HACE1: variants seen among roughly 807,000 people sequenced by gnomAD.
HACE1 encodes E3 ubiquitin-protein ligase HACE1.
In HACE1, 73 loss-of-function variants were observed where a neutral mutation model predicts 118.4. The ratio of observed to expected loss-of-function variants is 0.62; its 90% CI spans 0.51 to 0.75. The LOEUF (loss-of-function observed/expected upper bound fraction) is 0.75, where lower values mean the gene tolerates loss of function less well. Among genes scored for constraint, HACE1 ranks in the 30% least tolerant of loss-of-function variants. The pLI is 0.00. For synonymous variants in HACE1, 368 were observed against 374.8 expected (o/e 0.98, Z 0.21); for missense variants, 749 against 1,102.2 (o/e 0.68, Z 4.54).
chr6:104,730,709 A>G, intron 22 of HACE1: 1 of 361,844 alleles, frequency 2.8e-6, no homozygotes, highest in South Asian at 2.5e-5. Flanking sequence ...ATTTGCTTTC[A>G]TGTGGCTCTC....
chr6:104,753,442 A>G (rs1670292488), intron 19 of HACE1, among the ~76,000 whole-genome samples: 1 of 152,216 alleles, frequency 6.6e-6, no homozygotes, highest in Admixed American at 6.5e-5. Context: ...TGACTTGTTA[A>G]GATCTCCCAG....
chr6:104,836,183 A>C (rs1049772147), intron 5 of HACE1, among the ~76,000 whole-genome samples: 5 of 152,126 alleles, frequency 3.3e-5, no homozygotes, highest in Non-Finnish European at 7.4e-5. Flanking sequence ...ATTCCAAACA[A>C]CTGTGCAGCA....
intron 7 of HACE1, among the ~76,000 whole-genome samples, chr6:104,805,866 C>CAA (rs112431776): frequency 6.7e-6 from 1 of 148,934 alleles, no homozygotes; most frequent in African/African-American, 2.5e-5. Flanking sequence ...AATAATAAAA[C>CAA]AAAAAAAAAC....
intron 6 of HACE1, among the ~76,000 whole-genome samples, chr6:104,829,553 A>C (rs1197020762): frequency 6.6e-6 from 1 of 152,218 alleles, no homozygotes; most frequent in Non-Finnish European, 1.5e-5. Flanking sequence ...GAAAATAATC[A>C]GTGCTAAGCA....
chr6:104,826,471 C>G lies in HACE1; in HGVS notation c.534+6571G>C, dbSNP rs146093170. ...AATTTATTTTAGCAAATTTCTTGCC[C>G]CTAAAATCCCACAAATACTTCTGTG... On this transcript the variant is annotated intron_variant, in intron 6 of 23. Coordinates refer to ENST00000262903, the MANE Select transcript of HACE1 (RefSeq NM_020771.4). 2.0e-5 allele frequency among the ~76,000 whole-genome samples: 3 copies of G among 152,194 alleles called. No individual in the cohort carries two copies. In the East Asian group the frequency reaches 5.8e-4, roughly 29 times the overall value.
intron 17 of HACE1, among the ~76,000 whole-genome samples, chr6:104,772,898 TG>T (rs1780797393): frequency 6.6e-6 from 1 of 152,062 alleles, no homozygotes; most frequent in Non-Finnish European, 1.5e-5. Context: ...AATTTCTGCT[TG>T]GGGTGATGAA....
At chr6:104,829,821 G>A (rs1160112260) in intron 6 of HACE1, among the ~76,000 whole-genome samples, 4 of 152,088 alleles carry the variant, frequency 2.6e-5, no homozygotes, top group African/African-American at 9.7e-5. Flanking sequence ...AATCTTCTGA[G>A]AATACAATTG....
At chr6:104,749,093 T>C (rs958022702) in intron 20 of HACE1, among the ~76,000 whole-genome samples, 4 of 152,192 alleles carry the variant, frequency 2.6e-5, no homozygotes, top group African/African-American at 9.6e-5. Context: ...AAAGTTTTCA[T>C]CAATTATTTT....
chr6:104,736,695 T>C (rs1022980595), intron 22 of HACE1, among the ~76,000 whole-genome samples: 7 of 152,118 alleles, frequency 4.6e-5, no homozygotes, highest in Admixed American at 3.3e-4. Flanking sequence ...AAAAACAATA[T>C]ATTAAATTAT....
intron 6 of HACE1, among the ~76,000 whole-genome samples, chr6:104,826,935 G>A (rs575036054): frequency 1.3e-5 from 2 of 152,188 alleles, no homozygotes; most frequent in African/African-American, 4.8e-5. Context: ...CTATTGCGGA[G>A]GAACCGCAAA....
At chr6:104,847,510 C>G (rs954957485) in intron 4 of HACE1, among the ~76,000 whole-genome samples, 1 of 152,200 alleles carries the variant, frequency 6.6e-6, no homozygotes, top group African/African-American at 2.4e-5. Context: ...ATTAAACTGG[C>G]TCACATGCTA....
At chr6:104,784,926 ATC>A (rs1437285569) in intron 12 of HACE1, 57 bp downstream of exon 12, 3 of 1,045,054 alleles carry the variant, frequency 2.9e-6, no homozygotes, top group Non-Finnish European at 4.4e-6. Flanking sequence ...TTACAAAAGT[ATC>A]ACTGCTTTTC....
chr6:104,856,335 C>A (rs1272898422), intron 1 of HACE1, among the ~76,000 whole-genome samples: 2 of 152,118 alleles, frequency 1.3e-5, no homozygotes, highest in Non-Finnish European at 2.9e-5. Flanking sequence ...ATCACATATG[C>A]TAAAATGGGC....
chr6:104,850,810 C>T (rs1776127299), intron 3 of HACE1, 97 bp downstream of exon 3: 3 of 841,278 alleles, frequency 3.6e-6, no homozygotes, highest in Non-Finnish European at 6.3e-6. Flanking sequence ...GCTGTCTGTT[C>T]TCATCTCTCC....
chr6:104,763,852 C>T (rs1779674764), intron 19 of HACE1, among the ~76,000 whole-genome samples: 1 of 152,020 alleles, frequency 6.6e-6, no homozygotes, highest in African/African-American at 2.4e-5. Context: ...GATATCGAGA[C>T]CAGCCTGGCC....
intron 14 of HACE1, among the ~76,000 whole-genome samples, chr6:104,782,828 C>T (rs1781884317): frequency 6.6e-6 from 1 of 151,876 alleles, no homozygotes; most frequent in South Asian, 2.1e-4. Flanking sequence ...GACAAGTGTC[C>T]CTAAAGACAT....
At chr6:104,852,461 A>T in intron 1 of HACE1, 90 bp from the exon 2 acceptor site, 1 of 781,268 alleles carries the variant, frequency 1.3e-6, no homozygotes. Flanking sequence ...CTAACTCTAT[A>T]CAAAAAGCGA....
Position 104,752,821 on chromosome 6 carries a change from T to C in HACE1, c.2212-2349A>G, listed in dbSNP as rs114975606. On this transcript the variant is annotated intron_variant, in intron 19 of 23. Transcript: ENST00000262903. The stretch of plus-strand genomic sequence containing the variant: ...TTTAATATTTATTATTTTCCACATG[T>C]ATTTCAGTAACCCAGTTCATAGTTA... Among the ~76,000 whole-genome samples, 965 of 152,286 alleles carry C rather than the reference T, an allele frequency of 6.3e-3. 7 individuals are homozygous for C. Among genetic ancestry groups the C allele is most frequent in the African/African-American group, 0.022 (927 of 41,556 alleles).
At chr6:104,852,694 G>A (rs887280799) in intron 1 of HACE1, among the ~76,000 whole-genome samples, 40 of 152,206 alleles carry the variant, frequency 2.6e-4, no homozygotes, top group African/African-American at 8.7e-4. Flanking sequence ...ATGGTAGCCC[G>A]CGCATCATCA....
Sources: gnomAD v4.1 joint callset for allele counts (sites outside exome capture counted in the v4.1 genomes callset) on GRCh38, gnomAD v4.1.1 for gene constraint, MANE v1.5 for transcripts, NCBI Gene and HGNC (gene_info 2026-07-23, HGNC 2026-07-21) for gene names.